SLC22A14: variants seen among roughly 807,000 people sequenced by gnomAD.
SLC22A14 encodes the protein organic cation transporter-like 4.
SLC22A14 carries 50 observed loss-of-function variants against 53.9 expected under a neutral mutation model. The observed-to-expected ratio is 0.93, with a 90% CI of 0.74 to 1.17. The LOEUF (loss-of-function observed/expected upper bound fraction) is 1.17. Ranked by LOEUF, SLC22A14 falls within the 50% of genes most tolerant of loss-of-function variation. The pLI, the probability that SLC22A14 is intolerant of heterozygous loss-of-function variation, is 0.00. For missense variants in SLC22A14, 671 were observed against 734.7 expected (o/e 0.91, Z 1.00); for synonymous variants, 312 against 303.0 (o/e 1.03, Z -0.31).
rs1404030393 is a variant in SLC22A14, at chr3:38,313,152, G to A, written c.1065+33G>A. ...GCTTCTGGCCAGGAGTGGGGCCGGA[G>A]CAGTGGGCTGTGGAAGGGCCCCTTC... On this transcript the variant is annotated intron_variant, in intron 6 of 10. Transcript: ENST00000448498. 6 of 1,606,744 alleles carry A rather than the reference G, an allele frequency of 3.7e-6. No homozygotes were observed. The African/African-American group carries it at 6.7e-5, about 18-fold the overall frequency.
intron 9 of SLC22A14, among the ~76,000 whole-genome samples, chr3:38,316,090 A>G (rs911330460): frequency 2.0e-5 from 3 of 152,194 alleles, no homozygotes; most frequent in Admixed American, 2.0e-4. Flanking sequence ...CCTGGCTGGC[A>G]TCACTGCCTG....
chr3:38,305,890 A>G (rs1704285579), intron 1 of SLC22A14, 137 bp from the exon 2 acceptor site: 4 of 781,612 alleles, frequency 5.1e-6, no homozygotes, highest in Non-Finnish European at 6.3e-6. Flanking sequence ...AAGGGAGGGA[A>G]CTACTGAGAA....
At chr3:38,312,010 A>G (rs1412206600) in intron 5 of SLC22A14, among the ~76,000 whole-genome samples, 2 of 152,154 alleles carry the variant, frequency 1.3e-5, no homozygotes, top group Non-Finnish European at 2.9e-5. Context: ...GTGGAAAATG[A>G]TGACTGATTG....
chr3:38,284,534 A>G (rs1457176428), intron 1 of SLC22A14, among the ~76,000 whole-genome samples: 1 of 152,236 alleles, frequency 6.6e-6, no homozygotes, highest in Non-Finnish European at 1.5e-5. Context: ...CTTTCCCAGA[A>G]TGCTGGGAAT....
upstream of SLC22A14, among the ~76,000 whole-genome samples, chr3:38,281,514 C>G (rs193265342): frequency 4.4e-3 from 669 of 152,314 alleles, 4 homozygotes; most frequent in African/African-American, 0.015. Context: ...GGTGAGGGAA[C>G]CGAGCAAGCT....
intron 1 of SLC22A14, among the ~76,000 whole-genome samples, chr3:38,303,204 T>G (rs58795111): frequency 7.6e-4 from 115 of 152,244 alleles, no homozygotes; most frequent in African/African-American, 2.7e-3. Context: ...TTGATTCCCT[T>G]TCTTATACTT....
chr3:38,314,012 C>T (rs746068975), intron 8 of SLC22A14, 71 bp downstream of exon 8: 73 of 1,335,744 alleles, frequency 5.5e-5, no homozygotes, highest in Non-Finnish European at 7.3e-5. Flanking sequence ...CCAGTGCCGC[C>T]TGCCACGGCC....
chr3:38,291,617 A>G (rs1218882606), intron 1 of SLC22A14, among the ~76,000 whole-genome samples: 2 of 152,186 alleles, frequency 1.3e-5, no homozygotes, highest in Non-Finnish European at 2.9e-5. Flanking sequence ...CACTACATCA[A>G]TTTCCTTACT....
At position 38,288,963 on chromosome 3, in the gene SLC22A14, C is replaced by G. The variant is rs1037608630; in HGVS notation, c.-1+6624C>G. Among the ~76,000 whole-genome samples, 113 of 151,898 alleles carry G rather than the reference C, an allele frequency of 7.4e-4. 1 individual carries two copies. Among genetic ancestry groups the G allele is most frequent in the Admixed American group, 2.6e-4 (4 of 15,238 alleles). On this transcript the variant is annotated intron_variant, in intron 1 of 10. Transcript: ENST00000448498. ...GGGAGACCAAGATGGGAGGATCACT[C>G]GAGGCCAGAAGTTCAAGACCATCCT... is the stretch of plus-strand genomic sequence containing the variant.
intron 1 of SLC22A14, among the ~76,000 whole-genome samples, chr3:38,302,283 T>C (rs915188368): frequency 6.8e-5 from 10 of 146,300 alleles, no homozygotes; most frequent in African/African-American, 2.5e-4. Context: ...TATATACACA[T>C]ATATATTTAT....
chr3:38,316,211 T>G, intron 9 of SLC22A14, 113 bp from the exon 10 acceptor site: 1 of 887,182 alleles, frequency 1.1e-6, no homozygotes, highest in Non-Finnish European at 1.8e-6. Context: ...AATCACACAA[T>G]GAGGATGGGA....
intron 4 of SLC22A14, among the ~76,000 whole-genome samples, 175 bp from the exon 5 acceptor site, chr3:38,308,779 G>A (rs770859318): frequency 6.6e-5 from 10 of 152,192 alleles, no homozygotes; most frequent in Non-Finnish European, 1.2e-4. Context: ...GGGAACAGAG[G>A]CACTCTACCG....
At chr3:38,303,984 C>G (rs1369684853) in intron 1 of SLC22A14, 1 of 151,894 alleles carries the variant, frequency 6.6e-6, no homozygotes, top group Non-Finnish European at 1.5e-5. Flanking sequence ...GTCAGGAGAT[C>G]AAGACCATCC....
At chr3:38,291,633 A>G (rs1407811437) in intron 1 of SLC22A14, among the ~76,000 whole-genome samples, 11 of 152,244 alleles carry the variant, frequency 7.2e-5, no homozygotes, top group African/African-American at 2.4e-4. Flanking sequence ...TTACTGAGGT[A>G]TGCCACGGGA....
intron 1 of SLC22A14, among the ~76,000 whole-genome samples, chr3:38,284,319 A>C (rs1703740738): frequency 6.6e-6 from 1 of 152,210 alleles, no homozygotes; most frequent in Non-Finnish European, 1.5e-5. Flanking sequence ...GCTTGGTGAC[A>C]TGCCCAGGTG....
intron 1 of SLC22A14, 129 bp from the exon 2 acceptor site, chr3:38,305,891 CTACTGAG>C: frequency 1.2e-6 from 1 of 800,372 alleles, no homozygotes; most frequent in Non-Finnish European, 2.0e-6. Flanking sequence ...AGGGAGGGAA[CTACTGAG>C]AACGTCAAGG....
chr3:38,313,687 C>CGCGCGT, intron 7 of SLC22A14, 40 bp from the exon 8 acceptor site: 3 of 749,302 alleles, frequency 4.0e-6, no homozygotes, highest in Non-Finnish European at 5.7e-6. Flanking sequence ...CGTGTGTGTG[C>CGCGCGT]GCGCGTGTGC....
chr3:38,314,890 G>C (rs1281303735), intron 8 of SLC22A14, among the ~76,000 whole-genome samples: 1 of 152,238 alleles, frequency 6.6e-6, no homozygotes, highest in Non-Finnish European at 1.5e-5. Context: ...CTCCCCGGTA[G>C]ATAAAACTGG....
chr3:38,314,034 C>A, intron 8 of SLC22A14, 93 bp downstream of exon 8: 1 of 1,036,856 alleles, frequency 9.6e-7, no homozygotes, highest in Non-Finnish European at 1.5e-6. Context: ...GCCACCTAGA[C>A]ACCCTGGGAA....
Sources: gnomAD v4.1 joint callset for allele counts (sites outside exome capture counted in the v4.1 genomes callset) on GRCh38, gnomAD v4.1.1 for gene constraint, MANE v1.5 for transcripts, NCBI Gene and HGNC (gene_info 2026-07-23, HGNC 2026-07-21) for gene names.